Variants in MAGI2 observed in about 807,000 individuals in gnomAD.
MAGI2 encodes the protein membrane associated guanylate kinase, WW and PDZ domain containing 2.
MAGI2 carries 35 observed loss-of-function variants against 133.3 expected under a neutral mutation model. The observed-to-expected ratio is 0.26, with a 90% CI of 0.20 to 0.35. MAGI2 has a LOEUF of 0.35. Ranked by LOEUF, MAGI2 falls within the 10% of genes least tolerant of loss-of-function variation. The probability of loss-of-function intolerance (pLI) is 1.00; values close to 1 mark genes in which losing one functional copy is unlikely to be tolerated. For synonymous variants in MAGI2, 729 were observed against 710.6 expected, an observed-to-expected ratio of 1.03 and a Z score of -0.41; for missense variants, 1,636 against 1,863.4, an observed-to-expected ratio of 0.88 and a Z score of 2.25.
intron 1 of MAGI2, among the ~76,000 whole-genome samples, chr7:79,309,319 A>G (rs113570715): frequency 0.031 from 4,777 of 151,666 alleles, 106 homozygotes; most frequent in African/African-American, 0.051. Flanking sequence ...CGAGGAAACT[A>G]GTTTAGAGAT....
chr7:78,520,187 A>C (rs1181686769), intron 4 of MAGI2, among the ~76,000 whole-genome samples: 1 of 152,214 alleles, frequency 6.6e-6, no homozygotes, highest in East Asian at 1.9e-4. Context: ...CTGAGTAATC[A>C]AGATGAAAGC....
chr7:79,194,235 C>T (rs1480928558), intron 1 of MAGI2, among the ~76,000 whole-genome samples: 1 of 151,966 alleles, frequency 6.6e-6, no homozygotes, highest in African/African-American at 2.4e-5. Flanking sequence ...AAGGTATTAT[C>T]CTTCCATCCT....
chr7:79,391,660 C>T (rs1275172456), intron 1 of MAGI2, among the ~76,000 whole-genome samples: 8 of 150,328 alleles, frequency 5.3e-5, no homozygotes, highest in African/African-American at 1.7e-4. Context: ...CCTTTCATGC[C>T]GTCATGTAGG....
rs761458674 is a variant in MAGI2, at chr7:78,501,654, T to C, written c.888A>G (p.Glu296=). The change falls in exon 5 of 22, where the codon GAA becomes GAG. Residue 296 remains glutamate, a synonymous_variant. Coordinates refer to ENST00000354212, the MANE Select transcript of MAGI2 (RefSeq NM_012301.4). ...QMDDTKPTKP[E]DNEEPDPLPD... The stretch of plus-strand genomic sequence containing the variant: ...GCAATGGGTCTGGTTCCTCATTGTC[T>C]TCAGGTTTAGTTGGCTTTGTGTCAT... 3.1e-6 allele frequency: 5 copies of C among 1,614,064 alleles called. No individual in the cohort carries two copies. In the Admixed American group the frequency reaches 8.3e-5, roughly 27 times the overall value.
rs1227137912 is a variant in MAGI2, at chr7:78,893,107, C to T, written c.418+113983G>A. 4.0e-4 allele frequency among the ~76,000 whole-genome samples: 60 copies of T among 151,402 alleles called. No homozygotes were observed. The East Asian group carries it at 7.8e-3, about 20-fold the overall frequency. On this transcript the variant is annotated intron_variant, in intron 2 of 21. Coordinates refer to ENST00000354212, the MANE Select transcript of MAGI2 (RefSeq NM_012301.4). Reference sequence around the variant, plus strand: ...CACTTCTCAAAAGAAGACATTTATGCAGCCAAAAGACACATGAAAAAATGC... The same window carrying T: ...CACTTCTCAAAAGAAGACATTTATGTAGCCAAAAGACACATGAAAAAATGC...
rs201625711 is a variant in MAGI2, at chr7:78,473,537, T to TTC, written c.1045+16222_1045+16223dup. On this transcript the variant is annotated intron_variant, in intron 6 of 21. Transcript: ENST00000354212. ...AAATCCACATGTAAAACAAGTTTCT[T>TTC]TCTCTCTCTCTGGTATGACGTACTT... is the stretch of plus-strand genomic sequence containing the variant. 9.3e-3 allele frequency among the ~76,000 whole-genome samples: 1,421 copies of TTC among 152,120 alleles called. 26 individuals are homozygous for TTC. Among genetic ancestry groups the TTC allele is most frequent in the African/African-American group, 0.033 (1,353 of 41,528 alleles).
intron 1 of MAGI2, among the ~76,000 whole-genome samples, chr7:79,277,472 A>C (rs978074992): frequency 2.6e-5 from 4 of 152,146 alleles, no homozygotes; most frequent in Admixed American, 6.6e-5. Flanking sequence ...TCTGGACCCA[A>C]CTCTGTAATA....
At chr7:78,648,485 A>G (rs1432295165) in intron 2 of MAGI2, among the ~76,000 whole-genome samples, 1 of 152,186 alleles carries the variant, frequency 6.6e-6, no homozygotes, top group Non-Finnish European at 1.5e-5. Context: ...TTCTTTCACC[A>G]TCTTATCCAA....
intron 1 of MAGI2, among the ~76,000 whole-genome samples, chr7:79,239,364 T>C (rs1832199426): frequency 6.6e-6 from 1 of 152,142 alleles, no homozygotes; most frequent in Admixed American, 6.5e-5. Flanking sequence ...TAAAGATAGA[T>C]TTTTTATTTC....
chr7:79,437,083 T>G (rs1848194729), intron 1 of MAGI2, among the ~76,000 whole-genome samples: 1 of 151,874 alleles, frequency 6.6e-6, no homozygotes, highest in Non-Finnish European at 1.5e-5. Flanking sequence ...CCTAAGAAAA[T>G]TAATGCAGAA....
At chr7:78,529,096 A>G (rs1243434560) in intron 3 of MAGI2, among the ~76,000 whole-genome samples, 1 of 152,180 alleles carries the variant, frequency 6.6e-6, no homozygotes, top group Non-Finnish European at 1.5e-5. Flanking sequence ...CTCCAATGAC[A>G]TACATTCTGA....
chr7:78,820,137 AC>A (rs1380890499), intron 2 of MAGI2, among the ~76,000 whole-genome samples: 1 of 151,996 alleles, frequency 6.6e-6, no homozygotes, highest in African/African-American at 2.4e-5. Flanking sequence ...AAGAACAGTA[AC>A]ATCACTGAAT....
chr7:78,774,036 G>C (rs1825793556), intron 2 of MAGI2, among the ~76,000 whole-genome samples: 3 of 152,114 alleles, frequency 2.0e-5, no homozygotes, highest in Admixed American at 6.5e-5. Context: ...TTTTTAAGCA[G>C]TATCCCAGGC....
chr7:79,186,776 T>C (rs372761015), intron 1 of MAGI2, among the ~76,000 whole-genome samples: 3,697 of 97,762 alleles, frequency 0.038, 175 homozygotes, highest in African/African-American at 0.088. Context: ...TATATATATA[T>C]ACACACACAC....
chr7:78,725,305 T>A (rs922891443), intron 2 of MAGI2, among the ~76,000 whole-genome samples: 1 of 152,172 alleles, frequency 6.6e-6, no homozygotes, highest in South Asian at 2.1e-4. Flanking sequence ...TTCTGAGCAC[T>A]AAAAAAATTT....
At chr7:78,282,050 A>G (rs979433879) in intron 9 of MAGI2, among the ~76,000 whole-genome samples, 3 of 152,118 alleles carry the variant, frequency 2.0e-5, no homozygotes, top group Admixed American at 6.6e-5. Flanking sequence ...CCTTTGCAAC[A>G]ATCACTTCAT....
At chr7:79,033,354 C>G (rs574189519) in intron 1 of MAGI2, among the ~76,000 whole-genome samples, 4 of 152,286 alleles carry the variant, frequency 2.6e-5, no homozygotes, top group African/African-American at 9.6e-5. Context: ...AAACACAACT[C>G]AAATAACCAT....
intron 3 of MAGI2, among the ~76,000 whole-genome samples, chr7:78,592,070 A>G (rs990859568): frequency 1.3e-5 from 2 of 152,222 alleles, no homozygotes; most frequent in Admixed American, 6.5e-5. Context: ...GACTCAGAGG[A>G]TTAGTCCAGA....
chr7:78,070,214 T>TACAC (rs1310949637), intron 21 of MAGI2, among the ~76,000 whole-genome samples: 34 of 52,912 alleles, frequency 6.4e-4, no homozygotes, highest in African/African-American at 1.6e-3. Context: ...TATATATATA[T>TACAC]ATATACACAC....
Sources: allele counts gnomAD v4.1 joint callset (sites outside exome capture counted in the v4.1 genomes callset), GRCh38; gene constraint gnomAD v4.1.1; transcripts MANE v1.5; gene names NCBI Gene and HGNC (gene_info 2026-07-23, HGNC 2026-07-21).